MAPK10: variants seen among roughly 807,000 people sequenced by gnomAD.
MAPK10 encodes mitogen-activated protein kinase 10, also known as JNK3 alpha protein kinase.
A neutral mutation model predicts 59.3 loss-of-function variants in MAPK10; 25 were observed. The observed-to-expected ratio is 0.42, with a 90% CI of 0.31 to 0.59. The LOEUF (loss-of-function observed/expected upper bound fraction) is 0.59, where lower values mean the gene tolerates loss of function less well. Ranked by LOEUF, MAPK10 falls within the 20% of genes least tolerant of loss-of-function variation. MAPK10 has a pLI of 0.15. For synonymous variants in MAPK10, 190 were observed against 200.5 expected (o/e 0.95, Z 0.44); for missense variants, 351 against 568.9 (o/e 0.62, Z 3.90).
chr4:86,583,437 G>A (rs1762442607), intron 1 of MAPK10, among the ~76,000 whole-genome samples: 2 of 151,912 alleles, frequency 1.3e-5, no homozygotes, highest in African/African-American at 2.4e-5. Flanking sequence ...ACATAATTCC[G>A]GCCATCAATA....
intron 1 of MAPK10, among the ~76,000 whole-genome samples, chr4:86,373,914 C>A (rs1739334416): frequency 6.6e-6 from 1 of 152,078 alleles, no homozygotes; most frequent in Non-Finnish European, 1.5e-5. Flanking sequence ...AGTATATACC[C>A]AAAGGATTAT....
At chr4:86,164,263 TAGAG>T (rs977672597) in intron 3 of MAPK10, among the ~76,000 whole-genome samples, 13 of 152,088 alleles carry the variant, frequency 8.5e-5, no homozygotes, top group Admixed American at 7.9e-4. Context: ...CGGTAAAAGA[TAGAG>T]AAACAATAAA....
intron 1 of MAPK10, among the ~76,000 whole-genome samples, chr4:86,451,518 A>G (rs1750717418): frequency 6.6e-6 from 1 of 152,206 alleles, no homozygotes; most frequent in African/African-American, 2.4e-5. Context: ...ACTTCCCCAG[A>G]ACCAGACCCT....
rs145755642 is a variant in MAPK10 at position 86,179,196 on chromosome 4, T to A, written c.66+15140A>T. Reference sequence around the variant, plus strand: ...CAGCCTGGGTGACAAAGTGACTCCATCTCAAAAATAAAAATAAAAAAAGAA... The same window carrying A: ...CAGCCTGGGTGACAAAGTGACTCCAACTCAAAAATAAAAATAAAAAAAGAA... On this transcript the variant is annotated intron_variant, in intron 3 of 13. Transcript: ENST00000641462. Among the ~76,000 whole-genome samples the A allele has an allele frequency of 8.0e-3, 1,216 of 151,592 alleles. 15 individuals carry two copies. The highest frequency in any genetic ancestry group is 0.028 in the African/African-American group (1,151 of 41,288).
At chr4:86,096,629 T>C (rs1383388955) in intron 9 of MAPK10, among the ~76,000 whole-genome samples, 2 of 151,976 alleles carry the variant, frequency 1.3e-5, no homozygotes, top group Non-Finnish European at 2.9e-5. Flanking sequence ...ACTCTGAGTA[T>C]TGATTGAGAG....
chr4:86,191,447 A>T (rs2079750891), intron 3 of MAPK10, among the ~76,000 whole-genome samples: 2 of 151,782 alleles, frequency 1.3e-5, no homozygotes, highest in Admixed American at 1.3e-4. Flanking sequence ...GGTGCATATA[A>T]ATTTAAGAGA....
At chr4:86,562,127 G>A (rs1431812443) in intron 1 of MAPK10, among the ~76,000 whole-genome samples, 8 of 152,114 alleles carry the variant, frequency 5.3e-5, no homozygotes, top group Admixed American at 1.3e-4. Flanking sequence ...AAGCCAAGGC[G>A]GGAGGATCCC....
chr4:86,316,981 A>T (rs1027352398), intron 2 of MAPK10, among the ~76,000 whole-genome samples: 11 of 152,162 alleles, frequency 7.2e-5, no homozygotes, highest in Non-Finnish European at 1.0e-4. Flanking sequence ...TGCGAGCCTT[A>T]CTAAACATGG....
intron 2 of MAPK10, among the ~76,000 whole-genome samples, chr4:86,264,382 A>G (rs2094139086): frequency 6.6e-6 from 1 of 152,232 alleles, no homozygotes; most frequent in Admixed American, 6.5e-5. Flanking sequence ...ATTTCACACC[A>G]CCCAAGAACA....
chr4:86,528,084 C>T (rs193288556), intron 1 of MAPK10, among the ~76,000 whole-genome samples: 1 of 151,978 alleles, frequency 6.6e-6, no homozygotes, highest in African/African-American at 2.4e-5. Flanking sequence ...TCATTCGTAC[C>T]CCAAACCTTA....
chr4:86,098,348 T>C (rs2054622129), intron 9 of MAPK10, 176 bp downstream of exon 9: 3 of 703,650 alleles, frequency 4.3e-6, no homozygotes, highest in Admixed American at 4.0e-5. Flanking sequence ...AAAGAAATCA[T>C]TGTGGTAGGC....
intron 1 of MAPK10, among the ~76,000 whole-genome samples, chr4:86,590,189 T>C (rs768191023): frequency 2.6e-5 from 4 of 152,082 alleles, no homozygotes; most frequent in Non-Finnish European, 5.9e-5. Flanking sequence ...ATGAGTAATA[T>C]CCTTTGGAAA....
intron 1 of MAPK10, among the ~76,000 whole-genome samples, chr4:86,501,656 A>G (rs1755340550): frequency 6.6e-6 from 1 of 151,340 alleles, no homozygotes; most frequent in African/African-American, 2.4e-5. Context: ...GAAAACATGC[A>G]TTTGTATGCA....
intron 1 of MAPK10, among the ~76,000 whole-genome samples, chr4:86,439,078 T>G (rs1192806840): frequency 6.6e-6 from 1 of 152,184 alleles, no homozygotes; most frequent in Non-Finnish European, 1.5e-5. Flanking sequence ...AAAAATAGAT[T>G]TTTATTTTTA....
At chr4:86,392,400 C>T (rs1393033185) in intron 1 of MAPK10, 1 of 150,458 alleles carries the variant, frequency 6.6e-6, no homozygotes, top group African/African-American at 2.5e-5. Flanking sequence ...CGAAATCACA[C>T]CATTGCACTC....
chr4:86,437,056 C>CA (rs964548344), intron 1 of MAPK10, among the ~76,000 whole-genome samples: 13 of 150,930 alleles, frequency 8.6e-5, no homozygotes, highest in Admixed American at 4.0e-4. Context: ...ACTAAAAATG[C>CA]AAAAAAAATA....
intron 2 of MAPK10, among the ~76,000 whole-genome samples, chr4:86,351,744 A>AACCTCTCTAAACCTTGGTTTCCTT (rs1227231797): frequency 6.6e-6 from 1 of 152,046 alleles, no homozygotes; most frequent in East Asian, 1.9e-4. Flanking sequence ...CAACTGATTT[A>AACCTCTCTAAACCTTGGTTTCCTT]ACCTCTCTAA....
At chr4:86,348,559 A>G (rs62307409) in intron 2 of MAPK10, among the ~76,000 whole-genome samples, 28,746 of 152,158 alleles carry the variant, frequency 0.19, 3,383 homozygotes, top group Admixed American at 0.26. Flanking sequence ...ACAAAGTAGT[A>G]TCATCTCTAA....
chr4:86,271,835 C>T (rs2094443357), intron 2 of MAPK10, among the ~76,000 whole-genome samples: 1 of 152,004 alleles, frequency 6.6e-6, no homozygotes, highest in African/African-American at 2.4e-5. Context: ...GCATGGGGGT[C>T]ACTGCCCTCC....
Sources: gnomAD v4.1 joint callset for allele counts (sites outside exome capture counted in the v4.1 genomes callset) on GRCh38, gnomAD v4.1.1 for gene constraint, MANE v1.5 for transcripts, NCBI Gene and HGNC (gene_info 2026-07-23, HGNC 2026-07-21) for gene names.